Variants in IL1RAPL1 observed in about 807,000 individuals in gnomAD.
The protein encoded by IL1RAPL1 is interleukin-1 receptor accessory protein-like 1.
Under a neutral mutation model 48.4 loss-of-function variants are expected in IL1RAPL1, and 3 were observed. The ratio of observed to expected loss-of-function variants is 0.06; its 90% CI spans 0.03 to 0.16. The LOEUF (loss-of-function observed/expected upper bound fraction) is 0.16. IL1RAPL1 is among the 10% of genes least tolerant of loss of function. The probability of loss-of-function intolerance (pLI) is 1.00; values close to 1 mark genes in which losing one functional copy is unlikely to be tolerated. For synonymous variants in IL1RAPL1, 185 were observed against 187.7 expected, an observed-to-expected ratio of 0.99 and a Z score of 0.12; for missense variants, 349 against 530.6, an observed-to-expected ratio of 0.66 and a Z score of 3.36.
chrX:28,830,639 G>T lies in IL1RAPL1; in HGVS notation c.82+41214G>T, dbSNP rs368807673. On this transcript the variant is annotated intron_variant, in intron 2 of 10. Coordinates refer to ENST00000378993, the MANE Select transcript of IL1RAPL1 (RefSeq NM_014271.4). ...ATTTCAAGTCTGTCTAGTAGGTTCA[G>T]TACTTGGGCTCCCTCTGCAACAGTT... 8.8e-4 allele frequency among the ~76,000 whole-genome samples: 98 copies of T among 111,330 alleles called. No homozygotes were observed. The South Asian group carries it at 0.033, about 37-fold the overall frequency.
At chrX:29,171,177 A>C (rs1041665605) in intron 2 of IL1RAPL1, among the ~76,000 whole-genome samples, 1 of 111,358 alleles carries the variant, frequency 9.0e-6, no homozygotes, top group African/African-American at 3.3e-5. Flanking sequence ...TTGTATCTTT[A>C]GTAGAGACAG....
chrX:28,885,325 A>G (rs1386223034), intron 2 of IL1RAPL1, among the ~76,000 whole-genome samples: 1 of 111,168 alleles, frequency 9.0e-6, no homozygotes, highest in African/African-American at 3.3e-5. Flanking sequence ...CTTTTTGCCT[A>G]TTTCAAGGAC....
In IL1RAPL1 at chrX:29,493,404, C is replaced by G. The variant is rs757265846; in HGVS notation, c.703+94096C>G. 4.5e-5 allele frequency among the ~76,000 whole-genome samples: 5 copies of G among 112,067 alleles called. No homozygotes were observed. In the East Asian group the frequency reaches 1.4e-3, roughly 31 times the overall value. ...ATGAATGTATAATCCAATGTAAATACGATTTATTTATTATGGAATTGTTTA... is the reference window on the plus strand; with the variant it reads ...ATGAATGTATAATCCAATGTAAATAGGATTTATTTATTATGGAATTGTTTA... On this transcript the variant is annotated intron_variant, in intron 5 of 10. Coordinates refer to ENST00000378993, the MANE Select transcript of IL1RAPL1 (RefSeq NM_014271.4).
At chrX:28,911,792 G>A (rs1451386905) in intron 2 of IL1RAPL1, among the ~76,000 whole-genome samples, 1 of 109,094 alleles carries the variant, frequency 9.2e-6, no homozygotes, top group Non-Finnish European at 1.9e-5. Context: ...TTTTAAATGG[G>A]GCTAGAAGGT....
intron 2 of IL1RAPL1, among the ~76,000 whole-genome samples, chrX:29,090,106 A>T (rs956952936): frequency 1.8e-5 from 2 of 109,195 alleles, no homozygotes; most frequent in African/African-American, 6.7e-5. Context: ...TGGGGTGCAT[A>T]TCTCAAGCTC....
chrX:29,190,271 G>A (rs773072185), intron 2 of IL1RAPL1, among the ~76,000 whole-genome samples: 1 of 111,717 alleles, frequency 9.0e-6, no homozygotes, highest in South Asian at 3.7e-4. Context: ...TACGCTATTT[G>A]GTATCATATG....
At chrX:29,688,318 G>A (rs906548914) in intron 6 of IL1RAPL1, among the ~76,000 whole-genome samples, 6 of 110,618 alleles carry the variant, frequency 5.4e-5, no homozygotes, top group Non-Finnish European at 1.1e-4. Context: ...TTTGTCTTGC[G>A]GCCGCACCAG....
At chrX:29,250,854 A>G (rs1276268364) in intron 2 of IL1RAPL1, among the ~76,000 whole-genome samples, 1 of 111,650 alleles carries the variant, frequency 9.0e-6, no homozygotes, top group African/African-American at 3.2e-5. Flanking sequence ...CATCAGACAA[A>G]ACAAGCCTTT....
chrX:29,275,072 TA>T (rs1016267212), intron 2 of IL1RAPL1, among the ~76,000 whole-genome samples: 3 of 111,625 alleles, frequency 2.7e-5, no homozygotes, highest in Non-Finnish European at 5.6e-5. Flanking sequence ...GTGATATTTC[TA>T]AAATGTGAAT....
chrX:29,778,136 C>G (rs72625541), intron 6 of IL1RAPL1, among the ~76,000 whole-genome samples: 3,705 of 111,088 alleles, frequency 0.033, 212 homozygotes, highest in East Asian at 0.31. Context: ...AGCTATGGCT[C>G]ACTTACACAT....
intron 1 of IL1RAPL1, among the ~76,000 whole-genome samples, chrX:28,762,431 G>C: frequency 9.0e-6 from 1 of 111,374 alleles, no homozygotes; most frequent in Non-Finnish European, 1.9e-5. Flanking sequence ...GCAAAAGGCT[G>C]CATGGCGTTC....
chrX:29,453,993 C>A (rs1276777120), intron 5 of IL1RAPL1, among the ~76,000 whole-genome samples: 1 of 111,948 alleles, frequency 8.9e-6, no homozygotes, highest in Non-Finnish European at 1.9e-5. Flanking sequence ...CAGAGGCTTG[C>A]CCTGAATTTT....
intron 6 of IL1RAPL1, among the ~76,000 whole-genome samples, chrX:29,735,370 G>A (rs1055337086): frequency 9.0e-6 from 1 of 110,814 alleles, no homozygotes; most frequent in Non-Finnish European, 1.9e-5. Flanking sequence ...TTTATTTTAG[G>A]GTCAGCTGAT....
At chrX:29,745,432 T>TG (rs1343219288) in intron 6 of IL1RAPL1, among the ~76,000 whole-genome samples, 5 of 45,041 alleles carry the variant, frequency 1.1e-4, no homozygotes, top group East Asian at 1.2e-3. Flanking sequence ...GTTTTTTGTG[T>TG]TTTTTTTTTT....
chrX:28,988,348 G>A (rs1925524570), intron 2 of IL1RAPL1, among the ~76,000 whole-genome samples: 1 of 111,743 alleles, frequency 8.9e-6, no homozygotes, highest in Admixed American at 9.5e-5. Flanking sequence ...TATTCTTGGT[G>A]ATCATCCTTT....
intron 2 of IL1RAPL1, among the ~76,000 whole-genome samples, chrX:29,206,599 A>G (rs1463545179): frequency 8.9e-6 from 1 of 112,047 alleles, no homozygotes; most frequent in Non-Finnish European, 1.9e-5. Flanking sequence ...TGTAGTAATT[A>G]TACTTTTCCT....
intron 6 of IL1RAPL1, among the ~76,000 whole-genome samples, chrX:29,825,214 C>A (rs774832659): frequency 9.0e-6 from 1 of 111,019 alleles, no homozygotes; most frequent in African/African-American, 3.3e-5. Flanking sequence ...ACTCTTTCCT[C>A]ACTTCATAGT....
intron 6 of IL1RAPL1, among the ~76,000 whole-genome samples, chrX:29,805,252 T>C: frequency 8.9e-6 from 1 of 112,043 alleles, no homozygotes; most frequent in Non-Finnish European, 1.9e-5. Flanking sequence ...CACATGTACT[T>C]CTATTTCTGT....
chrX:29,540,480 A>G (rs1281104484), intron 5 of IL1RAPL1, among the ~76,000 whole-genome samples: 4 of 111,970 alleles, frequency 3.6e-5, no homozygotes, highest in Non-Finnish European at 5.6e-5. Context: ...TTAAAGCAAT[A>G]CTAAGCAAAA....
Sources: gnomAD v4.1 joint callset for allele counts (sites outside exome capture counted in the v4.1 genomes callset) on GRCh38, gnomAD v4.1.1 for gene constraint, MANE v1.5 for transcripts, NCBI Gene and HGNC (gene_info 2026-07-23, HGNC 2026-07-21) for gene names.